The following USP15 variants were observed in gnomAD, a reference collection of about 807,000 sequenced individuals.
USP15 encodes ubiquitin specific peptidase 15.
Under a neutral mutation model 127.1 loss-of-function variants are expected in USP15, and 18 were observed. The observed-to-expected ratio is 0.14, with a 90% CI of 0.10 to 0.21. USP15 has a LOEUF of 0.21. Ranked by LOEUF, USP15 falls within the 10% of genes least tolerant of loss-of-function variation. USP15 has a pLI of 1.00. For missense variants in USP15, 805 were observed against 1,159.9 expected (o/e 0.69, Z 4.44); for synonymous variants, 364 against 393.7 (o/e 0.92, Z 0.89).
intron 9 of USP15, among the ~76,000 whole-genome samples, chr12:62,381,913 GA>G (rs1002368083): frequency 6.6e-6 from 1 of 151,818 alleles, no homozygotes; most frequent in Admixed American, 6.6e-5. Context: ...AGAGAATAAT[GA>G]AAAAAAGTTG....
At chr12:62,286,692 C>CT (rs2063797268) in intron 1 of USP15, among the ~76,000 whole-genome samples, 1 of 151,970 alleles carries the variant, frequency 6.6e-6, no homozygotes. Context: ...AATCCCAGCA[C>CT]TTTGGGAGGC....
intron 1 of USP15, among the ~76,000 whole-genome samples, chr12:62,283,422 TA>T (rs34073397): frequency 6.6e-6 from 1 of 151,124 alleles, no homozygotes; most frequent in East Asian, 1.9e-4. Flanking sequence ...AATGTTGTCA[TA>T]AAAAAAAAGA....
At position 62,408,643 on chromosome 12, in the gene USP15, T is replaced by C. The variant is rs1286931105; in HGVS notation, c.*4268T>C. ...CTCTTGAAAATATATTGGTATTCAT[T>C]CCCAAATAATTCTTCTAAGTACCAC... On this transcript the variant is annotated 3_prime_UTR_variant, in exon 22 of 22. Coordinates refer to ENST00000280377, the MANE Select transcript of USP15 (RefSeq NM_001252078.2). 6.6e-6 allele frequency: 1 copy of C among 152,138 alleles called. No individual in the cohort carries two copies. The highest frequency in any genetic ancestry group is 1.5e-5 in the Non-Finnish European group (1 of 68,004). The allele number at this position is 152,138 out of a possible 1,614,324, so 9.4% of individuals were successfully genotyped here. A position where few individuals can be genotyped will look rare whatever the true frequency, so the allele number is the denominator to read the frequency against.
chr12:62,289,475 G>C (rs567167676), intron 1 of USP15, among the ~76,000 whole-genome samples: 129 of 152,050 alleles, frequency 8.5e-4, no homozygotes, highest in Middle Eastern at 3.4e-3. Context: ...TTCCGATTGT[G>C]TTTATTCGAA....
chr12:62,391,836 G>C lies in USP15; in HGVS notation c.2254G>C (p.Asp752His). 1 of 1,608,832 alleles carries C rather than the reference G, an allele frequency of 6.2e-7. No individual in the cohort carries two copies. The highest frequency in any genetic ancestry group is 8.5e-7 in the Non-Finnish European group (1 of 1,177,418). Residue 752 changes from aspartate (D) to histidine (H), a missense_variant, in exon 17 of 22, where the codon GAT becomes CAT. Coordinates refer to ENST00000280377, the MANE Select transcript of USP15 (RefSeq NM_001252078.2). Reference protein sequence around the residue: ...RLDERSFLALDWDPDLKKRYF... With the variant: ...RLDERSFLALHWDPDLKKRYF... ...CTTAGAAAGATCTTTTCTTGCTTTG[G>C]ATTGGGATCCTGATTTGAAAAAAAG...
At chr12:62,284,528 C>T (rs2063736636) in intron 1 of USP15, among the ~76,000 whole-genome samples, 1 of 152,084 alleles carries the variant, frequency 6.6e-6, no homozygotes, top group Admixed American at 6.5e-5. Flanking sequence ...TTTGCTTTAG[C>T]TATTTTCGGA....
chr12:62,337,009 G>A lies in USP15; in HGVS notation c.683+11076G>A, dbSNP rs116731100. ...TTTTGGTCATTTGGGAAATATTCAC[G>A]GAGTTATGCAGATCTTCCAAATGTT... is the stretch of plus-strand genomic sequence containing the variant. On this transcript the variant is annotated intron_variant, in intron 6 of 21. Transcript: ENST00000280377. Among the ~76,000 whole-genome samples, 230 of 152,204 alleles carry A rather than the reference G, an allele frequency of 1.5e-3. 2 individuals are homozygous for A. Among genetic ancestry groups the A allele is most frequent in the African/African-American group, 5.2e-3 (218 of 41,532 alleles).
intron 11 of USP15, among the ~76,000 whole-genome samples, chr12:62,387,069 A>T (rs1437963827): frequency 6.6e-6 from 1 of 152,152 alleles, no homozygotes; most frequent in Non-Finnish European, 1.5e-5. Context: ...TTAGTATTGA[A>T]CGTGGTGGCC....
chr12:62,346,506 C>T (rs1455003302), intron 6 of USP15, among the ~76,000 whole-genome samples: 1 of 152,132 alleles, frequency 6.6e-6, no homozygotes, highest in Admixed American at 6.5e-5. Flanking sequence ...GTCTTGATGA[C>T]CCCCAGGATC....
intron 4 of USP15, among the ~76,000 whole-genome samples, chr12:62,315,602 G>A (rs527477974): frequency 6.6e-6 from 1 of 152,208 alleles, no homozygotes; most frequent in Non-Finnish European, 1.5e-5. Context: ...TGTAAAACAA[G>A]ATTAATGGTA....
chr12:62,368,901 A>G (rs1289222161), intron 8 of USP15, among the ~76,000 whole-genome samples: 1 of 152,110 alleles, frequency 6.6e-6, no homozygotes, highest in East Asian at 1.9e-4. Flanking sequence ...TCATAGTGTC[A>G]ATGGTCTTTA....
intron 1 of USP15, among the ~76,000 whole-genome samples, chr12:62,273,081 C>G (rs1269253502): frequency 6.6e-6 from 1 of 152,012 alleles, no homozygotes; most frequent in Admixed American, 6.6e-5. Flanking sequence ...TTCTCCCCCA[C>G]CTTGTCATAA....
chr12:62,295,900 G>C (rs1199212191), intron 2 of USP15, among the ~76,000 whole-genome samples: 1 of 152,212 alleles, frequency 6.6e-6, no homozygotes. Flanking sequence ...CTGTAAATAG[G>C]ATGAAGATAT....
intron 3 of USP15, among the ~76,000 whole-genome samples, chr12:62,303,965 A>C (rs2064401013): frequency 6.6e-6 from 1 of 151,930 alleles, no homozygotes; most frequent in South Asian, 2.1e-4. Flanking sequence ...GAGTGTTTTG[A>C]TCAAAGGTAG....
chr12:62,332,557 TA>T (rs2065336080), intron 6 of USP15, among the ~76,000 whole-genome samples: 1 of 152,170 alleles, frequency 6.6e-6, no homozygotes, highest in Non-Finnish European at 1.5e-5. Flanking sequence ...AAATTTGATT[TA>T]AATTTATTCA....
chr12:62,279,007 T>C lies in USP15; in HGVS notation c.90-15172T>C, dbSNP rs1592480689. Reference sequence around the variant, plus strand: ...GAACTGTCTATATCAACTTTTTTCATTGTAGTAAGAATACTTAACATGAGC... The same window carrying C: ...GAACTGTCTATATCAACTTTTTTCACTGTAGTAAGAATACTTAACATGAGC... On this transcript the variant is annotated intron_variant, in intron 1 of 21. Transcript: ENST00000280377. The C allele has an allele frequency of 3.3e-5, 5 of 152,308 alleles. 1 individual carries two copies. Among genetic ancestry groups the C allele is most frequent in the Admixed American group, 3.3e-4 (5 of 15,290 alleles). 9.4% of individuals were successfully genotyped at this position (152,308 alleles called of 1,614,324 possible).
At chr12:62,327,554 T>TA (rs1053061617) in intron 6 of USP15, 69 of 375,860 alleles carry the variant, frequency 1.8e-4, no homozygotes, top group South Asian at 5.3e-4. Context: ...GGATTAATAT[T>TA]AAAAAAAACC....
chr12:62,339,750 G>A (rs1268900389), intron 6 of USP15, among the ~76,000 whole-genome samples: 1 of 152,126 alleles, frequency 6.6e-6, no homozygotes, highest in Non-Finnish European at 1.5e-5. Flanking sequence ...TGATCATGGT[G>A]GATAAGCTTT....
intron 3 of USP15, chr12:62,313,939 CT>C: frequency 1.9e-6 from 1 of 519,470 alleles, no homozygotes; most frequent in Non-Finnish European, 2.5e-6. Flanking sequence ...TGGAGCCTCC[CT>C]TTTGCCATAT....
Sources: gnomAD v4.1 joint callset for allele counts (sites outside exome capture counted in the v4.1 genomes callset) on GRCh38, gnomAD v4.1.1 for gene constraint, MANE v1.5 for transcripts, NCBI Gene and HGNC (gene_info 2026-07-23, HGNC 2026-07-21) for gene names.